SREBF2: variants seen among roughly 807,000 people sequenced by gnomAD.
The protein encoded by SREBF2 is sterol regulatory element-binding protein 2.
SREBF2 carries 55 observed loss-of-function variants against 113.1 expected under a neutral mutation model. The observed-to-expected ratio is 0.49, with a 90% CI of 0.39 to 0.61. The LOEUF (loss-of-function observed/expected upper bound fraction) is 0.61, where lower values mean the gene tolerates loss of function less well. Ranked by LOEUF, SREBF2 falls within the 20% of genes least tolerant of loss-of-function variation. The pLI is 0.00. For synonymous variants in SREBF2, 593 were observed against 605.7 expected (o/e 0.98, Z 0.31); for missense variants, 1,349 against 1,487.4 (o/e 0.91, Z 1.53).
At chr22:41,852,898 T>A (rs2148356249) in intron 1 of SREBF2, among the ~76,000 whole-genome samples, 1 of 152,078 alleles carries the variant, frequency 6.6e-6, no homozygotes, top group East Asian at 1.9e-4. Flanking sequence ...TGCAGGCATG[T>A]GCCACCATGC....
At chr22:41,899,018 C>A in intron 15 of SREBF2, 1 of 653,708 alleles carries the variant, frequency 1.5e-6, no homozygotes, top group Non-Finnish European at 2.6e-6. Context: ...CAGCTGTCAG[C>A]ACTGTGTCCG....
chr22:41,898,555 A>AC, intron 14 of SREBF2, 94 bp from the exon 15 acceptor site: 1 of 1,544,714 alleles, frequency 6.5e-7, no homozygotes, highest in Non-Finnish European at 8.9e-7. Context: ...CAAAGATGTT[A>AC]CCCATCTCCT....
chr22:41,867,300 G>T lies in SREBF2; in HGVS notation c.538+20G>T. 1 of 1,613,434 alleles carries T rather than the reference G, an allele frequency of 6.2e-7. No individual in the cohort carries two copies. The highest frequency in any genetic ancestry group is 1.1e-5 in the South Asian group (1 of 90,992). On this transcript the variant is annotated intron_variant, in intron 2 of 18. Transcript: ENST00000361204. ...TTCAAGGTGATTCAGAAGTTAGAAT[G>T]GTAGTGGTTGGTTGGTTCCAATGTT...
intron 1 of SREBF2, among the ~76,000 whole-genome samples, chr22:41,848,548 C>T (rs73430919): frequency 1.9e-4 from 29 of 152,136 alleles, no homozygotes; most frequent in African/African-American, 4.8e-4. Flanking sequence ...TTGCATGGGT[C>T]GGGACTCTGG....
At chr22:41,866,577 A>G (rs987239269) in intron 1 of SREBF2, among the ~76,000 whole-genome samples, 16 of 152,098 alleles carry the variant, frequency 1.1e-4, no homozygotes, top group African/African-American at 3.6e-4. Flanking sequence ...AAAGAAAATG[A>G]GAGAAAGGGC....
At chr22:41,851,891 G>C (rs940556117) in intron 1 of SREBF2, among the ~76,000 whole-genome samples, 4 of 151,984 alleles carry the variant, frequency 2.6e-5, no homozygotes, top group African/African-American at 4.8e-5. Flanking sequence ...GGGGCCAAGG[G>C]GGGTGGATCA....
intron 12 of SREBF2, among the ~76,000 whole-genome samples, chr22:41,894,569 G>A (rs1384493767): frequency 6.6e-6 from 1 of 152,092 alleles, no homozygotes; most frequent in East Asian, 1.9e-4. Context: ...TGTGCCAGGA[G>A]ACACAGCACC....
chr22:41,878,700 GGAA>G, intron 9 of SREBF2: 1 of 1,304,280 alleles, frequency 7.7e-7, no homozygotes, highest in East Asian at 5.5e-5. Context: ...ACAGCATTGA[GGAA>G]GAGTTAAACA....
chr22:41,894,396 C>T (rs1480308757), intron 12 of SREBF2, among the ~76,000 whole-genome samples: 1 of 152,208 alleles, frequency 6.6e-6, no homozygotes, highest in Non-Finnish European at 1.5e-5. Context: ...AAAACCGGAG[C>T]ATGTTCTTCG....
chr22:41,838,067 T>C (rs769044634), intron 1 of SREBF2, among the ~76,000 whole-genome samples: 2 of 152,078 alleles, frequency 1.3e-5, no homozygotes, highest in African/African-American at 2.4e-5. Context: ...GTTATATATC[T>C]CTATTTTGAG....
intron 15 of SREBF2, chr22:41,899,913 C>T (rs1385869448): frequency 1.6e-5 from 18 of 1,132,284 alleles, no homozygotes; most frequent in Non-Finnish European, 1.8e-5. Context: ...CCAGTCTCCT[C>T]TACAGAAAGA....
At position 41,907,166 on chromosome 22, in the gene SREBF2, G is replaced by A. The variant is rs2146568597; in HGVS notation, c.*1506G>A. 6.6e-6 allele frequency: 1 copy of A among 152,378 alleles called. No individual in the cohort carries two copies. The highest frequency in any genetic ancestry group is 1.5e-5 in the Non-Finnish European group (1 of 68,102). 9.4% of individuals were successfully genotyped at this position (152,378 alleles called of 1,614,324 possible). The stretch of plus-strand genomic sequence containing the variant: ...CCTGCGTGTTGTGTGTATGTCCTGT[G>A]CCTTTTCTCACTATTGTTTGGGTGT... On this transcript the variant is annotated 3_prime_UTR_variant, in exon 19 of 19. Transcript: ENST00000361204.
At chr22:41,887,047 A>G (rs1453661800) in intron 11 of SREBF2, among the ~76,000 whole-genome samples, 1 of 151,906 alleles carries the variant, frequency 6.6e-6, no homozygotes, top group Non-Finnish European at 1.5e-5. Flanking sequence ...ATAAATACAT[A>G]CGTACATACA....
At chr22:41,903,200 G>A (rs769845298) in intron 17 of SREBF2, 45 bp downstream of exon 17, 319 of 1,541,630 alleles carry the variant, frequency 2.1e-4, no homozygotes, top group Non-Finnish European at 2.6e-4. Context: ...TGGAGCCTGT[G>A]GGGCCTGAGC....
At chr22:41,897,282 T>C in intron 14 of SREBF2, 121 bp downstream of exon 14, 1 of 622,186 alleles carries the variant, frequency 1.6e-6, no homozygotes, top group East Asian at 2.8e-5. Flanking sequence ...GGATCCCAGG[T>C]TCATACCTGT....
chr22:41,900,262 G>T (rs879011629), intron 15 of SREBF2, 68 bp from the exon 16 acceptor site: 190 of 1,578,740 alleles, frequency 1.2e-4, no homozygotes, highest in Admixed American at 9.9e-4. Flanking sequence ...TCACTGGCTT[G>T]GGCCCCTCTG....
At chr22:41,846,413 G>C (rs2076877173) in intron 1 of SREBF2, among the ~76,000 whole-genome samples, 1 of 152,154 alleles carries the variant, frequency 6.6e-6, no homozygotes, top group African/African-American at 2.4e-5. Context: ...AATCAGAGCT[G>C]ACTGGCAGGA....
In SREBF2 at chr22:41,904,964, C is replaced by T; in HGVS notation, c.3195C>T (p.Ser1065=). Reference sequence around the variant, plus strand: ...GCCTGCGGCGGCGCACCACGCAGAGCACCAAGCACGGTGAGTCCACCCCTC... The same window carrying T: ...GCCTGCGGCGGCGCACCACGCAGAGTACCAAGCACGGTGAGTCCACCCCTC... ...EHSLRRRTTQ[S]TKHGEVDAWP... Residue 1065 remains serine (S), a synonymous_variant, in exon 18 of 19, where the codon AGC becomes AGT. Transcript: ENST00000361204. 6.3e-7 allele frequency: 1 copy of T among 1,594,724 alleles called. No homozygotes were observed. The highest frequency in any genetic ancestry group is 8.5e-7 in the Non-Finnish European group (1 of 1,175,436).
At chr22:41,873,014 A>G (rs890197135) in intron 4 of SREBF2, among the ~76,000 whole-genome samples, 1 of 152,150 alleles carries the variant, frequency 6.6e-6, no homozygotes, top group Admixed American at 6.5e-5. Flanking sequence ...CCTGACCAAC[A>G]TGGAGAAACC....
Sources: gnomAD v4.1 joint callset for allele counts (sites outside exome capture counted in the v4.1 genomes callset) on GRCh38, gnomAD v4.1.1 for gene constraint, MANE v1.5 for transcripts, NCBI Gene and HGNC (gene_info 2026-07-23, HGNC 2026-07-21) for gene names.